Variants in INVS observed in about 807,000 individuals in gnomAD.
INVS encodes the protein inversion of embryo turning homolog.
A neutral mutation model predicts 108.8 loss-of-function variants in INVS; 86 were observed. The observed-to-expected ratio is 0.79, with a 90% CI of 0.66 to 0.95. The LOEUF is 0.95. INVS is among the 40% of genes least tolerant of loss of function. The pLI, the probability that INVS is intolerant of heterozygous loss-of-function variation, is 0.00. For synonymous variants in INVS, 455 were observed against 473.5 expected (o/e 0.96, Z 0.51); for missense variants, 1,169 against 1,297.4 (o/e 0.90, Z 1.52).
At position 100,196,359 on chromosome 9, in the gene INVS, G is replaced by A. The variant is rs544007628; in HGVS notation, c.274-29703G>A. 9.3e-4 allele frequency among the ~76,000 whole-genome samples: 141 copies of A among 152,178 alleles called. 1 individual carries two copies. The highest frequency in any genetic ancestry group is 2.5e-4 in the Non-Finnish European group (17 of 68,008). On this transcript the variant is annotated intron_variant, in intron 3 of 16. Transcript: ENST00000262457. ...TAGCTGTTGGCATTTTTCGTCTGGT[G>A]GGAGTTTCTGATAAACAACTCAAGA...
intron 2 of INVS, among the ~76,000 whole-genome samples, chr9:100,106,596 G>A (rs113988896): frequency 6.6e-6 from 1 of 152,178 alleles, no homozygotes; most frequent in African/African-American, 2.4e-5. Flanking sequence ...CTATCTTCCT[G>A]GCAACTACTA....
chr9:100,189,932 T>C (rs1314127651), intron 3 of INVS, among the ~76,000 whole-genome samples: 3 of 152,040 alleles, frequency 2.0e-5, no homozygotes, highest in Non-Finnish European at 4.4e-5. Context: ...GTCCATTTGT[T>C]GTAGAGTGCA....
At chr9:100,148,190 A>T (rs547338020) in intron 3 of INVS, among the ~76,000 whole-genome samples, 1 of 152,118 alleles carries the variant, frequency 6.6e-6, no homozygotes, top group African/African-American at 2.4e-5. Flanking sequence ...AAACAGAAAT[A>T]AAAAACCAAA....
At chr9:100,116,472 C>A (rs1046957750) in intron 2 of INVS, among the ~76,000 whole-genome samples, 3 of 152,066 alleles carry the variant, frequency 2.0e-5, no homozygotes, top group East Asian at 3.8e-4. Context: ...AATAAAAGGC[C>A]TTATCAAATA....
intron 2 of INVS, chr9:100,117,083 A>G (rs904033939): frequency 2.8e-4 from 331 of 1,201,886 alleles, no homozygotes; most frequent in Non-Finnish European, 3.3e-4. Context: ...GCGGCCTGTC[A>G]CCTTGCAAGG....
intron 1 of INVS, among the ~76,000 whole-genome samples, chr9:100,100,508 T>A (rs757128356): frequency 1.6e-4 from 23 of 140,422 alleles, no homozygotes; most frequent in Non-Finnish European, 3.3e-4. Flanking sequence ...AACAAACATC[T>A]ACTGAGTACT....
chr9:100,265,902 C>T (rs1030665569), intron 11 of INVS, among the ~76,000 whole-genome samples: 1 of 152,128 alleles, frequency 6.6e-6, no homozygotes, highest in Non-Finnish European at 1.5e-5. Flanking sequence ...CATGGTGAAA[C>T]CCCATCTCTA....
intron 10 of INVS, among the ~76,000 whole-genome samples, chr9:100,257,450 A>G (rs1281593556): frequency 6.6e-6 from 1 of 152,152 alleles, no homozygotes; most frequent in Non-Finnish European, 1.5e-5. Flanking sequence ...TCCTGTCATT[A>G]TGATGTTAGC....
At chr9:100,138,412 A>T (rs927065093) in intron 3 of INVS, among the ~76,000 whole-genome samples, 1 of 151,932 alleles carries the variant, frequency 6.6e-6, no homozygotes, top group African/African-American at 2.4e-5. Flanking sequence ...GTCTCAAAAA[A>T]AAATTTTATA....
chr9:100,229,985 C>T (rs1831455621), intron 5 of INVS, among the ~76,000 whole-genome samples, 158 bp downstream of exon 5: 1 of 152,134 alleles, frequency 6.6e-6, no homozygotes. Context: ...TAGAACATTT[C>T]AGTACCACTA....
chr9:100,290,880 GT>G (rs930758892), intron 13 of INVS, among the ~76,000 whole-genome samples: 69 of 151,894 alleles, frequency 4.5e-4, no homozygotes, highest in African/African-American at 1.6e-3. Flanking sequence ...CTGGATAATT[GT>G]TTTTTTGTTT....
intron 3 of INVS, among the ~76,000 whole-genome samples, chr9:100,157,555 G>A (rs1372913776): frequency 6.6e-6 from 1 of 152,056 alleles, no homozygotes; most frequent in African/African-American, 2.4e-5. Flanking sequence ...GTGAGCCACC[G>A]TGCCCGGCCA....
At chr9:100,213,602 G>T (rs1340653238) in intron 3 of INVS, among the ~76,000 whole-genome samples, 3 of 152,114 alleles carry the variant, frequency 2.0e-5, no homozygotes, top group Non-Finnish European at 4.4e-5. Context: ...GTCTGTTACT[G>T]TTTCATGGAT....
chr9:100,264,614 G>C (rs772506055), intron 10 of INVS, among the ~76,000 whole-genome samples: 1 of 109,420 alleles, frequency 9.1e-6, no homozygotes, highest in Admixed American at 8.6e-5. Context: ...GCGAAACTCC[G>C]TCTCAAAAAA....
chr9:100,230,705 G>T (rs895074212), intron 5 of INVS, among the ~76,000 whole-genome samples: 2 of 152,040 alleles, frequency 1.3e-5, no homozygotes, highest in African/African-American at 4.8e-5. Context: ...TTTTAGTAGA[G>T]ACCGGGTTTC....
At chr9:100,167,882 A>G (rs1217419820) in intron 3 of INVS, among the ~76,000 whole-genome samples, 2 of 152,176 alleles carry the variant, frequency 1.3e-5, no homozygotes, top group Admixed American at 1.3e-4. Flanking sequence ...ACATACTATG[A>G]GATTCCAGTT....
intron 3 of INVS, among the ~76,000 whole-genome samples, chr9:100,164,615 T>C (rs73656954): frequency 0.014 from 2,074 of 152,262 alleles, 37 homozygotes; most frequent in African/African-American, 0.048. Flanking sequence ...GATATCATTA[T>C]ATCAATATGT....
At chr9:100,131,946 T>G (rs747326973) in intron 3 of INVS, 2 of 967,312 alleles carry the variant, frequency 2.1e-6, no homozygotes, top group Non-Finnish European at 2.5e-6. Flanking sequence ...TCAGGAACAC[T>G]TATACCAGGT....
chr9:100,139,477 G>A (rs1828349292), intron 3 of INVS, among the ~76,000 whole-genome samples: 2 of 151,978 alleles, frequency 1.3e-5, no homozygotes, highest in Admixed American at 6.6e-5. Context: ...CCTTATTCCA[G>A]ACTTATATTT....
Sources: allele counts gnomAD v4.1 joint callset (sites outside exome capture counted in the v4.1 genomes callset), GRCh38; gene constraint gnomAD v4.1.1; transcripts MANE v1.5; gene names NCBI Gene and HGNC (gene_info 2026-07-23, HGNC 2026-07-21).